Variants in SCFD2 observed in about 807,000 individuals in gnomAD.
The protein encoded by SCFD2 is sec1 family domain-containing protein 2.
SCFD2 carries 54 observed loss-of-function variants against 58.9 expected under a neutral mutation model. The observed-to-expected ratio is 0.92, with a 90% CI of 0.74 to 1.15. The LOEUF is 1.15. Ranked by LOEUF, SCFD2 falls within the 50% of genes most tolerant of loss-of-function variation. SCFD2 has a pLI of 0.00. For missense variants in SCFD2, 805 were observed against 836.6 expected (o/e 0.96, Z 0.47); for synonymous variants, 321 against 335.9 (o/e 0.96, Z 0.49).
At chr4:53,108,503 C>G (rs1725070739) in intron 5 of SCFD2, among the ~76,000 whole-genome samples, 1 of 151,720 alleles carries the variant, frequency 6.6e-6, no homozygotes, top group Admixed American at 6.6e-5. Flanking sequence ...AGAGAAGAAT[C>G]AAATAGACAC....
rs73143437 is a variant in SCFD2, at chr4:53,138,177, C to T, written c.1561+7156G>A. 9.7e-3 allele frequency among the ~76,000 whole-genome samples: 1,478 copies of T among 152,196 alleles called. 20 individuals are homozygous for T. The highest frequency in any genetic ancestry group is 0.034 in the African/African-American group (1,394 of 41,520). ...GATGGACCAAACATTAGTTAACACACATAACATCATTTTATTCTCAGCAAA... is the reference window on the plus strand; with the variant it reads ...GATGGACCAAACATTAGTTAACACATATAACATCATTTTATTCTCAGCAAA... On this transcript the variant is annotated intron_variant, in intron 5 of 8. Transcript: ENST00000401642.
In SCFD2 at chr4:53,130,731, G is replaced by A. The variant is rs181293325; in HGVS notation, c.1561+14602C>T. ...CTGGAAGAAAAAACCCTCTTTTTTC[G>A]TGGGTTGCTATTCTAGAATGACATA... On this transcript the variant is annotated intron_variant, in intron 5 of 8. Coordinates refer to ENST00000401642, the MANE Select transcript of SCFD2 (RefSeq NM_152540.4). 5.2e-3 allele frequency among the ~76,000 whole-genome samples: 793 copies of A among 152,146 alleles called. 7 individuals carry two copies. Among genetic ancestry groups the A allele is most frequent in the African/African-American group, 0.016 (680 of 41,522 alleles).
intron 5 of SCFD2, among the ~76,000 whole-genome samples, chr4:52,973,503 G>A (rs1357345466): frequency 1.3e-5 from 2 of 152,140 alleles, no homozygotes; most frequent in East Asian, 1.9e-4. Context: ...CCAATAACAG[G>A]CTCTGAAATT....
At chr4:53,086,798 G>A (rs1244369885) in intron 5 of SCFD2, among the ~76,000 whole-genome samples, 1 of 152,136 alleles carries the variant, frequency 6.6e-6, no homozygotes, top group Non-Finnish European at 1.5e-5. Flanking sequence ...AAACTTTGTA[G>A]GTTCTCACTT....
chr4:52,950,166 A>T (rs1720550427), intron 5 of SCFD2: 1 of 152,242 alleles, frequency 6.6e-6, no homozygotes, highest in South Asian at 2.1e-4. Flanking sequence ...TGGGTTTTAC[A>T]TACACGCATA....
chr4:52,909,665 A>G (rs1038440649), intron 6 of SCFD2, among the ~76,000 whole-genome samples: 1 of 152,162 alleles, frequency 6.6e-6, no homozygotes, highest in Admixed American at 6.6e-5. Flanking sequence ...AAACGGCAAG[A>G]ATGATCTCAA....
intron 4 of SCFD2, among the ~76,000 whole-genome samples, chr4:53,233,155 A>G (rs1222403725): frequency 6.6e-6 from 1 of 152,192 alleles, no homozygotes; most frequent in African/African-American, 2.4e-5. Flanking sequence ...GGCTAATGCT[A>G]AAAAGAAAAA....
At chr4:52,934,645 T>G (rs1344732356) in intron 5 of SCFD2, among the ~76,000 whole-genome samples, 1 of 152,232 alleles carries the variant, frequency 6.6e-6, no homozygotes, top group Non-Finnish European at 1.5e-5. Context: ...CAGCATGTAC[T>G]GAGCTCTTAC....
intron 5 of SCFD2, among the ~76,000 whole-genome samples, chr4:52,953,778 A>T (rs1160802074): frequency 6.6e-6 from 1 of 152,246 alleles, no homozygotes; most frequent in African/African-American, 2.4e-5. Context: ...ATCCAAGCCA[A>T]CAACAATGCC....
intron 8 of SCFD2, among the ~76,000 whole-genome samples, chr4:52,885,197 G>A (rs556188345): frequency 5.9e-5 from 9 of 152,078 alleles, no homozygotes; most frequent in Admixed American, 1.3e-4. Context: ...CTCTGGCCCC[G>A]CCCTCTAATT....
intron 5 of SCFD2, among the ~76,000 whole-genome samples, chr4:52,932,968 A>G (rs577203363): frequency 6.6e-6 from 1 of 152,172 alleles, no homozygotes; most frequent in African/African-American, 2.4e-5. Flanking sequence ...CACAGTCCAG[A>G]GAGGGTTGCC....
At chr4:53,178,671 G>C (rs1222413482) in intron 4 of SCFD2, among the ~76,000 whole-genome samples, 1 of 152,196 alleles carries the variant, frequency 6.6e-6, no homozygotes, top group African/African-American at 2.4e-5. Context: ...CGAGTTGAGA[G>C]AAGAAGCCTT....
At chr4:52,949,258 T>C (rs1720523745) in intron 5 of SCFD2, 2 of 143,480 alleles carry the variant, frequency 1.4e-5, no homozygotes, top group Admixed American at 1.3e-4. Context: ...ATTTTTTACA[T>C]AAATATTTCA....
At chr4:53,008,444 T>C (rs183664122) in intron 5 of SCFD2, among the ~76,000 whole-genome samples, 2 of 152,256 alleles carry the variant, frequency 1.3e-5, no homozygotes, top group East Asian at 3.9e-4. Context: ...GAAACTAAAA[T>C]GTGCTTGAGA....
intron 5 of SCFD2, among the ~76,000 whole-genome samples, chr4:52,981,189 TA>T (rs1721368654): frequency 6.6e-6 from 1 of 152,180 alleles, no homozygotes; most frequent in Admixed American, 6.5e-5. Flanking sequence ...GAGAATAGTA[TA>T]AACCTTGAAA....
At chr4:53,089,448 A>G (rs1017985095) in intron 5 of SCFD2, among the ~76,000 whole-genome samples, 1 of 152,182 alleles carries the variant, frequency 6.6e-6, no homozygotes, top group African/African-American at 2.4e-5. Context: ...AATTTTCATC[A>G]TGATGCAGGT....
In SCFD2 at chr4:53,216,296, C is replaced by T. The variant is rs567722034; in HGVS notation, c.1311+57530G>A. Among the ~76,000 whole-genome samples the T allele has an allele frequency of 1.4e-3, 212 of 152,020 alleles. 1 individual carries two copies. The highest frequency in any genetic ancestry group is 4.5e-3 in the African/African-American group (187 of 41,492). On this transcript the variant is annotated intron_variant, in intron 4 of 8. Transcript: ENST00000401642. ...GGCTCTGGACTTTTTTTGGTTCATA[C>T]GCTATTAATTATTGCCTCAATTTCA...
intron 7 of SCFD2, among the ~76,000 whole-genome samples, chr4:52,899,050 T>C (rs551507686): frequency 5.3e-5 from 8 of 152,298 alleles, no homozygotes; most frequent in East Asian, 3.9e-4. Context: ...TGTCTCTGCA[T>C]GTGAGATGGG....
chr4:53,295,622 C>G (rs1472977030), intron 3 of SCFD2, among the ~76,000 whole-genome samples: 2 of 152,106 alleles, frequency 1.3e-5, no homozygotes, highest in Non-Finnish European at 2.9e-5. Context: ...AATTGAACAC[C>G]TTTATTTCTT....
Sources: gnomAD v4.1 joint callset for allele counts (sites outside exome capture counted in the v4.1 genomes callset) on GRCh38, gnomAD v4.1.1 for gene constraint, MANE v1.5 for transcripts, NCBI Gene and HGNC (gene_info 2026-07-23, HGNC 2026-07-21) for gene names.